The following GLRA2 variants were observed in gnomAD, a reference collection of about 807,000 sequenced individuals.
GLRA2 encodes glycine receptor subunit alpha-2.
Under a neutral mutation model 31.6 loss-of-function variants are expected in GLRA2, and 11 were observed. That is an observed-to-expected ratio of 0.35 (90% CI 0.22 to 0.58). The LOEUF (loss-of-function observed/expected upper bound fraction) is 0.58. GLRA2 is among the 20% of genes least tolerant of loss of function. GLRA2 has a pLI of 0.84. For missense variants in GLRA2, 212 were observed against 351.8 expected (o/e 0.60, Z 3.18); for synonymous variants, 132 against 134.0 (o/e 0.99, Z 0.10).
At chrX:14,711,243 T>C (rs1350173354) in intron 8 of GLRA2, among the ~76,000 whole-genome samples, 1 of 112,577 alleles carries the variant, frequency 8.9e-6, no homozygotes, top group Non-Finnish European at 1.9e-5. Context: ...CTGGGAGGGT[T>C]CCCTTGCCCC....
chrX:14,542,578 T>C (rs896815888), intron 2 of GLRA2, among the ~76,000 whole-genome samples: 1 of 110,394 alleles, frequency 9.1e-6, no homozygotes, highest in Non-Finnish European at 1.9e-5. Flanking sequence ...GAGTTGTAAT[T>C]GTTTTAATAT....
the GLRA2 span, among the ~76,000 whole-genome samples, chrX:14,511,818 G>A: frequency 6.3e-5 from 7 of 111,590 alleles, no homozygotes; most frequent in South Asian, 3.8e-4. Context: ...CCTACAATCC[G>A]TGTCATTGCA....
rs5980034 is a variant in GLRA2, at chrX:14,561,831, C to T, written c.203-12502C>T. On this transcript the variant is annotated intron_variant, in intron 2 of 8. Coordinates refer to ENST00000218075, the MANE Select transcript of GLRA2 (RefSeq NM_002063.4). Reference sequence around the variant, plus strand: ...CCCAAATAGAACATTTCTTCCTTGGCAGGAGCACAGAGTTTTATAATAGCC... The same window carrying T: ...CCCAAATAGAACATTTCTTCCTTGGTAGGAGCACAGAGTTTTATAATAGCC... 9.7e-3 allele frequency among the ~76,000 whole-genome samples: 1,090 copies of T among 112,119 alleles called. 11 individuals carry two copies. The highest frequency in any genetic ancestry group is 0.033 in the African/African-American group (1,021 of 30,886).
At chrX:14,655,064 T>G (rs779324908) in intron 7 of GLRA2, among the ~76,000 whole-genome samples, 17 of 110,820 alleles carry the variant, frequency 1.5e-4, no homozygotes, top group African/African-American at 3.3e-4. Context: ...GAGATTTGAG[T>G]GGGGACACAG....
chrX:14,589,975 A>G (rs906324393), intron 4 of GLRA2, among the ~76,000 whole-genome samples: 2 of 110,345 alleles, frequency 1.8e-5, no homozygotes, highest in Non-Finnish European at 3.8e-5. Context: ...GTTTGCTTTC[A>G]GTGTGTTATT....
chrX:14,469,770 C>T, the GLRA2 span, among the ~76,000 whole-genome samples: 20 of 105,836 alleles, frequency 1.9e-4, no homozygotes, highest in African/African-American at 6.9e-4. Flanking sequence ...GGGTGCAGCA[C>T]ACCAGCATGG....
chrX:14,573,869 T>G (rs2089917254), intron 2 of GLRA2, among the ~76,000 whole-genome samples: 1 of 110,668 alleles, frequency 9.0e-6, no homozygotes, highest in Non-Finnish European at 1.9e-5. Flanking sequence ...AAAATCAAAG[T>G]AACCTGCTGA....
Position 14,682,013 on chromosome X carries a change from A to G in GLRA2, c.931-8697A>G, listed in dbSNP as rs779283867. Reference sequence around the variant, plus strand: ...TATATGTATGTGTGTGTGTGTGTGTATATATATAAATATATATAAAATTGT... The same window carrying G: ...TATATGTATGTGTGTGTGTGTGTGTGTATATATAAATATATATAAAATTGT... On this transcript the variant is annotated intron_variant, in intron 7 of 8. Transcript: ENST00000218075. 3.6e-4 allele frequency among the ~76,000 whole-genome samples: 30 copies of G among 83,214 alleles called. No homozygotes were observed. The East Asian group carries it at 4.2e-3, about 12-fold the overall frequency. 72.3% of individuals were successfully genotyped at this position (83,214 alleles called of 115,157 possible). A position where few individuals can be genotyped will look rare whatever the true frequency, so the allele number is the denominator to read the frequency against.
At position 14,690,385 on chromosome X, in the gene GLRA2, A is replaced by G. The variant is rs184803037; in HGVS notation, c.931-325A>G. Among the ~76,000 whole-genome samples the G allele has an allele frequency of 5.4e-5, 6 of 111,869 alleles. No individual in the cohort carries two copies. In the East Asian group the frequency reaches 1.7e-3, roughly 31 times the overall value. ...GAATGTCTAAATTGAGCTACTTAAC[A>G]TATGCATTATTTCACATATTTATTT... On this transcript the variant is annotated intron_variant, in intron 7 of 8. Coordinates refer to ENST00000218075, the MANE Select transcript of GLRA2 (RefSeq NM_002063.4).
At chrX:14,597,505 C>T (rs2090219301) in intron 4 of GLRA2, among the ~76,000 whole-genome samples, 1 of 111,305 alleles carries the variant, frequency 9.0e-6, no homozygotes, top group Non-Finnish European at 1.9e-5. Context: ...GATCAAATAG[C>T]TCTTTATGGG....
At chrX:14,479,278 G>A in the GLRA2 span, among the ~76,000 whole-genome samples, 1 of 112,196 alleles carries the variant, frequency 8.9e-6, no homozygotes, top group East Asian at 2.8e-4. Context: ...GGGACCATCG[G>A]TAAAACCTTC....
chrX:14,644,339 C>T (rs1270563370), intron 7 of GLRA2, among the ~76,000 whole-genome samples: 2 of 111,562 alleles, frequency 1.8e-5, no homozygotes, highest in African/African-American at 6.5e-5. Context: ...GTGGGATAGT[C>T]GAATGAAGAA....
chrX:14,627,047 G>C (rs1467246108), intron 7 of GLRA2, among the ~76,000 whole-genome samples: 1 of 110,970 alleles, frequency 9.0e-6, no homozygotes, highest in Non-Finnish European at 1.9e-5. Context: ...CTCTTGACCT[G>C]GGTAGTGGTT....
chrX:14,560,797 CAAAAAAAAAAAA>C (rs760583127), intron 2 of GLRA2, among the ~76,000 whole-genome samples: 3 of 41,249 alleles, frequency 7.3e-5, no homozygotes, highest in Non-Finnish European at 1.1e-4. Context: ...GACCCTGTCT[CAAAAAAAAAAAA>C]AAAAAAAAAA....
At chrX:14,592,860 A>G (rs2090159713) in intron 4 of GLRA2, among the ~76,000 whole-genome samples, 1 of 112,315 alleles carries the variant, frequency 8.9e-6, no homozygotes, top group South Asian at 3.7e-4. Flanking sequence ...CAATTACACA[A>G]AGATGGTTGG....
At chrX:14,541,940 C>T (rs2089410579) in intron 2 of GLRA2, among the ~76,000 whole-genome samples, 1 of 111,132 alleles carries the variant, frequency 9.0e-6, no homozygotes, top group Non-Finnish European at 1.9e-5. Context: ...CCATGTTTTT[C>T]AGAAGACCTG....
intron 2 of GLRA2, among the ~76,000 whole-genome samples, chrX:14,560,747 G>C (rs2089715773): frequency 1.0e-5 from 1 of 98,732 alleles, no homozygotes; most frequent in African/African-American, 3.8e-5. Context: ...GCAGTGAGCT[G>C]TGATAGTGCC....
At chrX:14,705,316 T>C (rs1013505908) in intron 8 of GLRA2, among the ~76,000 whole-genome samples, 1 of 111,600 alleles carries the variant, frequency 9.0e-6, no homozygotes, top group African/African-American at 3.3e-5. Flanking sequence ...CCAGGAGCTA[T>C]TTTTCCCCAC....
the GLRA2 span, among the ~76,000 whole-genome samples, chrX:14,481,245 C>T: frequency 1.8e-5 from 2 of 111,217 alleles, no homozygotes; most frequent in African/African-American, 6.5e-5. Flanking sequence ...TACTGAAGTC[C>T]TCACTTTGAT....
Sources: allele counts gnomAD v4.1 joint callset (sites outside exome capture counted in the v4.1 genomes callset), GRCh38; gene constraint gnomAD v4.1.1; transcripts MANE v1.5; gene names NCBI Gene and HGNC (gene_info 2026-07-23, HGNC 2026-07-21).